Variants in CFAP47 observed in about 807,000 individuals in gnomAD.
CFAP47 encodes the protein cilia- and flagella-associated protein 47.
Under a neutral mutation model 148.1 loss-of-function variants are expected in CFAP47, and 29 were observed. The observed-to-expected ratio is 0.20, with a 90% CI of 0.15 to 0.27. The LOEUF (loss-of-function observed/expected upper bound fraction) is 0.27. Ranked by LOEUF, CFAP47 falls within the 10% of genes least tolerant of loss-of-function variation. The pLI, the probability that CFAP47 is intolerant of heterozygous loss-of-function variation, is 1.00. For synonymous variants in CFAP47, 664 were observed against 577.3 expected, an observed-to-expected ratio of 1.15 and a Z score of -2.15; for missense variants, 1,872 against 1,697.5, an observed-to-expected ratio of 1.10 and a Z score of -1.81.
At chrX:36,186,950 A>G (rs918826364) in intron 40 of CFAP47, among the ~76,000 whole-genome samples, 2 of 110,501 alleles carry the variant, frequency 1.8e-5, no homozygotes, top group Non-Finnish European at 3.8e-5. Context: ...ATAGTTTATG[A>G]GCATTTAGAA....
chrX:36,106,210 T>C (rs1938463956), intron 33 of CFAP47, among the ~76,000 whole-genome samples: 3 of 112,322 alleles, frequency 2.7e-5, no homozygotes, highest in South Asian at 7.3e-4. Flanking sequence ...CATAAATGTA[T>C]TTGTTTATCA....
In CFAP47 at chrX:36,056,365, T is replaced by C. The variant is rs371909228; in HGVS notation, c.4218-9278T>C. On this transcript the variant is annotated intron_variant, in intron 26 of 63. Transcript: ENST00000378653. Reference sequence around the variant, plus strand: ...AAGGGCATTTCATATTTATACTCGATAGAATTTCAAGTAATGCCTGAAGAA... The same window carrying C: ...AAGGGCATTTCATATTTATACTCGACAGAATTTCAAGTAATGCCTGAAGAA... 5.4e-5 allele frequency among the ~76,000 whole-genome samples: 6 copies of C among 112,118 alleles called. No homozygotes were observed. The East Asian group carries it at 1.4e-3, about 26-fold the overall frequency.
At chrX:35,971,312 G>A (rs1295715540) in intron 11 of CFAP47, among the ~76,000 whole-genome samples, 1 of 112,072 alleles carries the variant, frequency 8.9e-6, no homozygotes, top group African/African-American at 3.2e-5. Context: ...AGTTGTTGCT[G>A]GCTTGAGCCA....
intron 26 of CFAP47, among the ~76,000 whole-genome samples, chrX:36,061,384 A>T (rs1430656584): frequency 1.8e-5 from 2 of 112,096 alleles, no homozygotes; most frequent in African/African-American, 6.5e-5. Flanking sequence ...GATTAACAAC[A>T]TGACATATGA....
intron 51 of CFAP47, among the ~76,000 whole-genome samples, chrX:36,293,416 G>T (rs781970191): frequency 1.8e-5 from 2 of 112,520 alleles, no homozygotes; most frequent in South Asian, 7.2e-4. Context: ...ATGTGTCCCT[G>T]GTTGGTGGGT....
intron 13 of CFAP47, among the ~76,000 whole-genome samples, chrX:35,973,555 A>T (rs773374108): frequency 2.7e-5 from 3 of 111,655 alleles, no homozygotes; most frequent in Non-Finnish European, 5.6e-5. Context: ...GTATGTGTTT[A>T]TCTGTAGCAT....
intron 21 of CFAP47, among the ~76,000 whole-genome samples, chrX:36,006,420 A>G: frequency 8.9e-6 from 1 of 111,757 alleles, no homozygotes; most frequent in Non-Finnish European, 1.9e-5. Flanking sequence ...CAGAGACAGC[A>G]CACCCTTTGA....
intron 62 of CFAP47, chrX:36,368,114 A>G (rs1941896248): frequency 9.0e-6 from 1 of 111,530 alleles, no homozygotes; most frequent in Admixed American, 9.6e-5. Context: ...AGAATGAAAG[A>G]GGATAATTAA....
intron 8 of CFAP47, among the ~76,000 whole-genome samples, chrX:35,957,227 AAG>A (rs1172707869): frequency 9.3e-6 from 1 of 108,090 alleles, no homozygotes; most frequent in African/African-American, 3.4e-5. Flanking sequence ...AAAAAAAAAA[AAG>A]ACTTAAGTGG....
At position 36,003,957 on chromosome X, in the gene CFAP47, C is replaced by CTTTCTT. The variant is rs1320782913; in HGVS notation, c.3417+2260_3417+2265dup. 2.5e-3 allele frequency among the ~76,000 whole-genome samples: 223 copies of CTTTCTT among 87,997 alleles called. 6 individuals carry two copies. Among genetic ancestry groups the CTTTCTT allele is most frequent in the East Asian group, 0.011 (30 of 2,640 alleles). 76.4% of individuals were successfully genotyped at this position (87,997 alleles called of 115,157 possible). On this transcript the variant is annotated intron_variant, in intron 21 of 63. Coordinates refer to ENST00000378653, the MANE Select transcript of CFAP47 (RefSeq NM_001304548.2). ...GTCAGGGTACAAATCACTAGCATTT[C>CTTTCTT]TTTCTTTTTCTTTTTTTTTTTTTTT...
At chrX:36,307,380 T>G (rs1355074311) in intron 55 of CFAP47, among the ~76,000 whole-genome samples, 1 of 111,149 alleles carries the variant, frequency 9.0e-6, no homozygotes, top group Non-Finnish European at 1.9e-5. Context: ...CGTAGTCCTA[T>G]AATGGAAGTA....
chrX:35,947,549 T>G (rs1237160604), intron 3 of CFAP47, among the ~76,000 whole-genome samples: 1 of 108,316 alleles, frequency 9.2e-6, no homozygotes, highest in Non-Finnish European at 1.9e-5. Flanking sequence ...GGAAGTGTTT[T>G]ATCCTGTGTA....
At chrX:36,000,841 G>A (rs916004629) in intron 20 of CFAP47, among the ~76,000 whole-genome samples, 2 of 111,308 alleles carry the variant, frequency 1.8e-5, no homozygotes, top group East Asian at 5.6e-4. Flanking sequence ...AACAAAATAC[G>A]CATTTTTGTA....
Position 36,310,978 on chromosome X carries a change from TA to T in CFAP47, c.8335del (p.Ile2779TyrfsTer2). On this transcript the variant is annotated frameshift_variant, in exon 56 of 64. Coordinates refer to ENST00000378653, the MANE Select transcript of CFAP47 (RefSeq NM_001304548.2). LOFTEE classifies it high-confidence loss of function. ...NPTMEDVLID[I>X]ILTSVEHPRN... ...ACAATGGAAGATGTCCTCATTGATA[TA>T]ATACTGACAAGTAAGTTGTTTTTCT... The T allele has an allele frequency of 9.2e-7, 1 of 1,088,367 alleles. No individual in the cohort carries two copies. The highest frequency in any genetic ancestry group is 1.2e-6 in the Non-Finnish European group (1 of 824,152). The allele number at this position is 1,088,367 out of a possible 1,213,427, so 89.7% of individuals were successfully genotyped here. A position where few individuals can be genotyped will look rare whatever the true frequency, so the allele number is the denominator to read the frequency against.
At chrX:36,217,847 T>C (rs1008545330) in intron 45 of CFAP47, among the ~76,000 whole-genome samples, 20 of 112,353 alleles carry the variant, frequency 1.8e-4, no homozygotes, top group African/African-American at 6.5e-4. Context: ...ATTTGATAAA[T>C]GACTCACTTT....
At position 36,019,689 on chromosome X, in the gene CFAP47, A is replaced by G. The variant is rs151160670; in HGVS notation, c.3556+4777A>G. 5.5e-3 allele frequency among the ~76,000 whole-genome samples: 619 copies of G among 111,912 alleles called. 5 individuals are homozygous for G. Among genetic ancestry groups the G allele is most frequent in the African/African-American group, 0.019 (594 of 30,838 alleles). ...ATTGTATGTGTCTAGGAATTTATCA[A>G]TTTCTCCTAGATTTTTCCAATTTAT... is the stretch of plus-strand genomic sequence containing the variant. On this transcript the variant is annotated intron_variant, in intron 22 of 63. Transcript: ENST00000378653.
intron 2 of CFAP47, among the ~76,000 whole-genome samples, chrX:35,934,580 A>G (rs1935882162): frequency 9.0e-6 from 1 of 110,854 alleles, no homozygotes; most frequent in Admixed American, 9.6e-5. Context: ...TACCTAAGGT[A>G]CTAGATACAA....
intron 1 of CFAP47, among the ~76,000 whole-genome samples, chrX:35,925,629 A>G (rs1212269162): frequency 8.9e-6 from 1 of 111,997 alleles, no homozygotes; most frequent in Non-Finnish European, 1.9e-5. Flanking sequence ...TAATAATATA[A>G]CACTCCTAAC....
At chrX:36,305,788 AAATT>A (rs782451223) in intron 54 of CFAP47, among the ~76,000 whole-genome samples, 28 of 111,965 alleles carry the variant, frequency 2.5e-4, no homozygotes, top group Non-Finnish European at 4.9e-4. Flanking sequence ...TCTGACAGTG[AAATT>A]AATTAATAAT....
Sources: allele counts gnomAD v4.1 joint callset (sites outside exome capture counted in the v4.1 genomes callset), GRCh38; gene constraint gnomAD v4.1.1; transcripts MANE v1.5; gene names NCBI Gene and HGNC (gene_info 2026-07-23, HGNC 2026-07-21).